Variants in THYN1 observed in about 807,000 individuals in gnomAD.
THYN1 encodes thymocyte nuclear protein 1.
THYN1 carries 32 observed loss-of-function variants against 30.6 expected under a neutral mutation model. That is an observed-to-expected ratio of 1.05 (90% CI 0.79 to 1.40). THYN1 has a LOEUF of 1.40. THYN1 is among the 40% of genes most tolerant of loss of function. The probability of loss-of-function intolerance (pLI) is 0.00; values close to 1 mark genes in which losing one functional copy is unlikely to be tolerated. For synonymous variants in THYN1, 107 were observed against 90.8 expected (o/e 1.18, Z -1.01); for missense variants, 259 against 272.6 (o/e 0.95, Z 0.35).
Position 134,250,377 on chromosome 11 carries a change from A to G in THYN1, c.223-34T>C, listed in dbSNP as rs770318818. On this transcript the variant is annotated intron_variant, in intron 2 of 6. Transcript: ENST00000341541. ...GAGGAAATAAATTCAATCATTAAACAATCCTTGGCCAGTTAGTAAGCACAT... is the reference window on the plus strand; with the variant it reads ...GAGGAAATAAATTCAATCATTAAACGATCCTTGGCCAGTTAGTAAGCACAT... 20 of 1,612,930 alleles carry G rather than the reference A, an allele frequency of 1.2e-5. 1 individual carries two copies. In the Admixed American group the frequency reaches 3.0e-4, roughly 24 times the overall value.
At chr11:134,252,618 A>C (rs1040095880) in intron 1 of THYN1, among the ~76,000 whole-genome samples, 2 of 152,228 alleles carry the variant, frequency 1.3e-5, no homozygotes, top group Non-Finnish European at 1.5e-5. Context: ...TATCTCAAAG[A>C]GTCTTTGTGC....
intron 3 of THYN1, 78 bp downstream of exon 3, chr11:134,250,195 CTG>C: frequency 6.6e-7 from 1 of 1,522,904 alleles, no homozygotes; most frequent in Non-Finnish European, 9.1e-7. Context: ...CCAAGAGGTT[CTG>C]CTACTGAGTA....
Position 134,252,974 on chromosome 11 carries a change from C to A in THYN1, c.-92G>T. Reference sequence around the variant, plus strand: ...AATGTCCTCCAAAACCCGCGCAGAGCGAGATGGAGGCAACGAGAGGCAGCC... The same window carrying A: ...AATGTCCTCCAAAACCCGCGCAGAGAGAGATGGAGGCAACGAGAGGCAGCC... On this transcript the variant is annotated 5_prime_UTR_variant, in exon 1 of 7. Transcript: ENST00000341541. The A allele has an allele frequency of 2.7e-6, 4 of 1,489,056 alleles. No homozygotes were observed. Among genetic ancestry groups the A allele is most frequent in the East Asian group, 2.4e-5 (1 of 40,882 alleles). The allele number at this position is 1,489,056 out of a possible 1,614,324, so 92.2% of individuals were successfully genotyped here.
At position 134,248,341 on chromosome 11, in the gene THYN1, G is replaced by A; in HGVS notation, c.*97C>T. 1 of 1,373,700 alleles carries A rather than the reference G, an allele frequency of 7.3e-7. No individual in the cohort carries two copies. Among genetic ancestry groups the A allele is most frequent in the Non-Finnish European group, 1.0e-6 (1 of 960,748 alleles). The allele number at this position is 1,373,700 out of a possible 1,614,324, so 85.1% of individuals were successfully genotyped here. ...AAAACCACTGAGGTACACAAGCCCA[G>A]GTAAGCATACCAAGCAAGCCCCCTC... On this transcript the variant is annotated 3_prime_UTR_variant, in exon 7 of 7. Transcript: ENST00000341541.
At position 134,248,948 on chromosome 11, in the gene THYN1, C is replaced by G. The variant is rs898173742; in HGVS notation, c.492G>C (p.Gln164His). 17 of 1,614,090 alleles carry G rather than the reference C, an allele frequency of 1.1e-5. No homozygotes were observed. Among genetic ancestry groups the G allele is most frequent in the Non-Finnish European group, 1.4e-5 (16 of 1,180,050 alleles). The change falls in exon 6 of 7, where the codon CAG becomes CAC. Residue 164 changes from glutamine to histidine, a missense_variant. By Grantham distance (24) the Gln-to-His change is conservative. Coordinates refer to ENST00000341541, the MANE Select transcript of THYN1 (RefSeq NM_014174.3). ...TGAAACGTTTCATCATCCGAACAAACTGTACATCCACCTATGTGACAACAG... is the reference window on the plus strand; with the variant it reads ...TGAAACGTTTCATCATCCGAACAAAGTGTACATCCACCTATGTGACAACAG... Reference protein sequence around the residue: ...DNPKWSMVDVQFVRMMKRFIP... With the variant: ...DNPKWSMVDVHFVRMMKRFIP...
At chr11:134,249,446 A>C (rs1184492747) in intron 4 of THYN1, among the ~76,000 whole-genome samples, 184 bp from the exon 5 acceptor site, 3 of 152,214 alleles carry the variant, frequency 2.0e-5, no homozygotes, top group African/African-American at 7.2e-5. Context: ...TAGGAAATCA[A>C]CTCTGTTTTT....
chr11:134,250,445 TGG>T, intron 2 of THYN1, 102 bp from the exon 3 acceptor site: 1 of 1,261,594 alleles, frequency 7.9e-7, no homozygotes, highest in Non-Finnish European at 1.1e-6. Context: ...GAGGGGCCAC[TGG>T]CTATAGAGGA....
chr11:134,253,044 G>T lies in THYN1; in HGVS notation c.-162C>A. On this transcript the variant is annotated 5_prime_UTR_variant, in exon 1 of 7. Transcript: ENST00000341541. ...GCGAAACACAGACGCCTACGTTTGAGCCCTCAAATCCTTCCCTCCGTTATC... is the reference window on the plus strand; with the variant it reads ...GCGAAACACAGACGCCTACGTTTGATCCCTCAAATCCTTCCCTCCGTTATC... 1 of 1,403,428 alleles carries T rather than the reference G, an allele frequency of 7.1e-7. No homozygotes were observed. Among genetic ancestry groups the T allele is most frequent in the Non-Finnish European group, 9.2e-7 (1 of 1,084,662 alleles). 86.9% of individuals were successfully genotyped at this position (1,403,428 alleles called of 1,614,324 possible).
chr11:134,248,414 C>T lies in THYN1; in HGVS notation c.*24G>A. On this transcript the variant is annotated 3_prime_UTR_variant, in exon 7 of 7. Transcript: ENST00000341541. ...TTGACTTCTTTGCAGCAATGTCTCG[C>T]CCATTCCAGCAGCAGTATCTCAGTT... 1 of 1,614,042 alleles carries T rather than the reference C, an allele frequency of 6.2e-7. No homozygotes were observed. The highest frequency in any genetic ancestry group is 8.5e-7 in the Non-Finnish European group (1 of 1,179,930).
In THYN1 at chr11:134,248,381, A is replaced by T. The variant is rs747138876; in HGVS notation, c.*57T>A. 2.5e-6 allele frequency: 4 copies of T among 1,609,244 alleles called. No individual in the cohort carries two copies. Among genetic ancestry groups the T allele is most frequent in the Middle Eastern group, 1.7e-4 (1 of 6,056 alleles). ...CAAGCCCCCTCACACCTTTTGTCTGAAAAAAGCTTGACTTCTTTGCAGCAA... is the reference window on the plus strand; with the variant it reads ...CAAGCCCCCTCACACCTTTTGTCTGTAAAAAGCTTGACTTCTTTGCAGCAA... On this transcript the variant is annotated 3_prime_UTR_variant, in exon 7 of 7. Transcript: ENST00000341541.
At position 134,251,495 on chromosome 11, in the gene THYN1, A is replaced by G. The variant is rs190938202; in HGVS notation, c.44-187T>C. On this transcript the variant is annotated intron_variant, in intron 1 of 6. Transcript: ENST00000341541. ...AATTAGACAAGAATACCTACCTTAC[A>G]GGGTATCTTCTGGATTATCTATTCA... The G allele has an allele frequency of 1.2e-4, 80 of 646,472 alleles. No homozygotes were observed. The Middle Eastern group carries it at 3.0e-3, about 24-fold the overall frequency. 40.0% of individuals were successfully genotyped at this position (646,472 alleles called of 1,614,324 possible). A position where few individuals can be genotyped will look rare whatever the true frequency, so the allele number is the denominator to read the frequency against.
intron 4 of THYN1, among the ~76,000 whole-genome samples, chr11:134,249,506 T>C (rs1411177616): frequency 2.0e-5 from 3 of 152,240 alleles, no homozygotes; most frequent in Non-Finnish European, 4.4e-5. Context: ...AGGTTATTAC[T>C]GGTACCACTG....
Position 134,253,212 on chromosome 11 carries a change from T to A in THYN1, c.-330A>T. 1 of 1,320,554 alleles carries A rather than the reference T, an allele frequency of 7.6e-7. No homozygotes were observed. Among genetic ancestry groups the A allele is most frequent in the Non-Finnish European group, 9.6e-7 (1 of 1,036,896 alleles). 81.8% of individuals were successfully genotyped at this position (1,320,554 alleles called of 1,614,324 possible). On this transcript the variant is annotated 5_prime_UTR_variant, in exon 1 of 7. Transcript: ENST00000341541. ...GACACTTTTGTTGGGTGAATATAAG[T>A]AAGCCTTGTGTTACCTTGTTATCCT...
Position 134,253,149 on chromosome 11 carries a change from ATC to A in THYN1, c.-269_-268del, listed in dbSNP as rs1939205063. The A allele has an allele frequency of 7.4e-7, 1 of 1,347,396 alleles. No homozygotes were observed. Among genetic ancestry groups the A allele is most frequent in the East Asian group, 3.0e-5 (1 of 33,594 alleles). 83.5% of individuals were successfully genotyped at this position (1,347,396 alleles called of 1,614,324 possible). A position where few individuals can be genotyped will look rare whatever the true frequency, so the allele number is the denominator to read the frequency against. ...TGGTCCTTCTCATCCAGGAACCCCT[ATC>A]TCAGTATGTAGTTCACTGGGAAGTG... is the stretch of plus-strand genomic sequence containing the variant. On this transcript the variant is annotated 5_prime_UTR_variant, in exon 1 of 7. Coordinates refer to ENST00000341541, the MANE Select transcript of THYN1 (RefSeq NM_014174.3).
At chr11:134,249,712 A>C in intron 4 of THYN1, 116 bp downstream of exon 4, 1 of 907,464 alleles carries the variant, frequency 1.1e-6, no homozygotes, top group Non-Finnish European at 1.7e-6. Flanking sequence ...TAAAAGGGGG[A>C]TGGGGTGGGG....
intron 4 of THYN1, among the ~76,000 whole-genome samples, 196 bp downstream of exon 4, chr11:134,249,632 C>T (rs1229858459): frequency 6.7e-6 from 1 of 150,274 alleles, no homozygotes. Flanking sequence ...CTGTGCTAGT[C>T]GGACCTGAAT....
At chr11:134,248,654 G>T (rs1247394616) in intron 6 of THYN1, among the ~76,000 whole-genome samples, 155 bp downstream of exon 6, 1 of 152,216 alleles carries the variant, frequency 6.6e-6, no homozygotes. Flanking sequence ...ATAGTAACAG[G>T]TAACTCTGGC....
intron 1 of THYN1, 43 bp downstream of exon 1, chr11:134,252,796 AG>A (rs1939167302): frequency 6.2e-7 from 1 of 1,612,116 alleles, no homozygotes; most frequent in Non-Finnish European, 8.5e-7. Context: ...CTTCGAGAAA[AG>A]TTTTTTCTTG....
rs987077179 is a variant in THYN1, at chr11:134,253,345, G to C, written c.-463C>G. 39 of 1,409,700 alleles carry C rather than the reference G, an allele frequency of 2.8e-5. No homozygotes were observed. The South Asian group carries it at 2.9e-4, about 10-fold the overall frequency. 87.3% of individuals were successfully genotyped at this position (1,409,700 alleles called of 1,614,324 possible). A position where few individuals can be genotyped will look rare whatever the true frequency, so the allele number is the denominator to read the frequency against. On this transcript the variant is annotated 5_prime_UTR_variant, in exon 1 of 7. Coordinates refer to ENST00000341541, the MANE Select transcript of THYN1 (RefSeq NM_014174.3). ...TGCGGTCCGCCTCCGCTGCGCCGCA[G>C]GCTGTGCAGCGCGACCCCCGCGGCG...
Sources: allele counts gnomAD v4.1 joint callset (sites outside exome capture counted in the v4.1 genomes callset), GRCh38; gene constraint gnomAD v4.1.1; transcripts MANE v1.5; gene names NCBI Gene and HGNC (gene_info 2026-07-23, HGNC 2026-07-21).